The following UBTD2 variants were observed in gnomAD, a reference collection of about 807,000 sequenced individuals.
UBTD2 encodes the protein ubiquitin domain containing 2.
A neutral mutation model predicts 19.8 loss-of-function variants in UBTD2; 9 were observed. That is an observed-to-expected ratio of 0.46 (90% CI 0.27 to 0.79). The LOEUF is 0.79. Ranked by LOEUF, UBTD2 falls within the 30% of genes least tolerant of loss-of-function variation. The probability of loss-of-function intolerance (pLI) is 0.14; values close to 1 mark genes in which losing one functional copy is unlikely to be tolerated. For synonymous variants in UBTD2, 98 were observed against 103.9 expected (o/e 0.94, Z 0.35); for missense variants, 250 against 300.4 (o/e 0.83, Z 1.24).
intron 1 of UBTD2, among the ~76,000 whole-genome samples, chr5:172,253,140 C>G (rs1312479601): frequency 6.6e-6 from 1 of 152,110 alleles, no homozygotes; most frequent in Non-Finnish European, 1.5e-5. Flanking sequence ...AGTGACCCTC[C>G]TGCCTCAGGA....
chr5:172,256,916 C>T (rs1755165470), intron 1 of UBTD2, among the ~76,000 whole-genome samples: 1 of 152,088 alleles, frequency 6.6e-6, no homozygotes. Flanking sequence ...GAGACTCCAT[C>T]TCAAAAAAAA....
At chr5:172,215,717 G>A (rs1771527558) in intron 2 of UBTD2, among the ~76,000 whole-genome samples, 1 of 152,092 alleles carries the variant, frequency 6.6e-6, no homozygotes, top group South Asian at 2.1e-4. Context: ...AAGAACAAAT[G>A]GGAATGTAAT....
chr5:172,257,664 A>G (rs1755184508), intron 1 of UBTD2, among the ~76,000 whole-genome samples: 1 of 152,212 alleles, frequency 6.6e-6, no homozygotes. Context: ...AACAACAGTC[A>G]TCCTGATTGG....
chr5:172,257,957 G>T (rs974849930), intron 1 of UBTD2, among the ~76,000 whole-genome samples: 1 of 152,132 alleles, frequency 6.6e-6, no homozygotes, highest in Admixed American at 6.5e-5. Context: ...TGTGTAGGTT[G>T]TCTGTTTACT....
At chr5:172,249,672 T>C (rs1011375054) in intron 1 of UBTD2, among the ~76,000 whole-genome samples, 1 of 151,968 alleles carries the variant, frequency 6.6e-6, no homozygotes, top group East Asian at 1.9e-4. Flanking sequence ...AAATAGCATA[T>C]GCAAAAATCC....
chr5:172,242,529 C>T (rs1772153024), intron 1 of UBTD2: 2 of 632,350 alleles, frequency 3.2e-6, no homozygotes, highest in African/African-American at 4.0e-5. Flanking sequence ...TTGTATTAAC[C>T]TATAAATAGG....
chr5:172,231,242 G>T (rs1378391780), intron 2 of UBTD2, among the ~76,000 whole-genome samples: 1 of 152,152 alleles, frequency 6.6e-6, no homozygotes, highest in East Asian at 1.9e-4. Context: ...AAGAAATATT[G>T]ACAAGATTCA....
At chr5:172,277,631 C>T (rs1276063739) in intron 1 of UBTD2, among the ~76,000 whole-genome samples, 2 of 151,666 alleles carry the variant, frequency 1.3e-5, no homozygotes, top group African/African-American at 4.8e-5. Context: ...GGCTAAGCCC[C>T]GGAGGTAGAG....
chr5:172,278,379 C>T (rs1413706759), intron 1 of UBTD2, among the ~76,000 whole-genome samples: 2 of 151,904 alleles, frequency 1.3e-5, no homozygotes, highest in African/African-American at 2.4e-5. Flanking sequence ...ATTAGCCAGG[C>T]GTGGTGGTGC....
intron 1 of UBTD2, among the ~76,000 whole-genome samples, chr5:172,239,124 A>G (rs1245842820): frequency 1.3e-5 from 2 of 152,236 alleles, no homozygotes; most frequent in African/African-American, 4.8e-5. Context: ...AAATGCCTAA[A>G]ATGCCAACAA....
At chr5:172,225,932 TC>T (rs1213527107) in intron 2 of UBTD2, among the ~76,000 whole-genome samples, 4 of 121,812 alleles carry the variant, frequency 3.3e-5, no homozygotes, top group African/African-American at 6.2e-5. Flanking sequence ...AGGCTTAAAC[TC>T]TTTTTTTTTT....
At chr5:172,271,039 CT>C (rs926167329) in intron 1 of UBTD2, among the ~76,000 whole-genome samples, 3 of 152,150 alleles carry the variant, frequency 2.0e-5, no homozygotes, top group African/African-American at 4.8e-5. Context: ...AGCAATCCCC[CT>C]AAATGCTATG....
intron 2 of UBTD2, among the ~76,000 whole-genome samples, chr5:172,229,253 C>G (rs1318474222): frequency 2.0e-5 from 3 of 151,964 alleles, no homozygotes; most frequent in Admixed American, 6.6e-5. Context: ...GTAATCCCAG[C>G]ACTTTGGGAG....
chr5:172,218,447 T>A (rs1222712142), intron 2 of UBTD2, among the ~76,000 whole-genome samples: 1 of 150,738 alleles, frequency 6.6e-6, no homozygotes, highest in Non-Finnish European at 1.5e-5. Context: ...AGAAAAAAAA[T>A]TAAAATAGAA....
At chr5:172,227,997 A>C (rs555528783) in intron 2 of UBTD2, among the ~76,000 whole-genome samples, 1 of 151,946 alleles carries the variant, frequency 6.6e-6, no homozygotes, top group Non-Finnish European at 1.5e-5. Flanking sequence ...TCTTATAGGA[A>C]CCTTTAAAGT....
chr5:172,218,583 G>A (rs1243087686), intron 2 of UBTD2, among the ~76,000 whole-genome samples: 2 of 151,740 alleles, frequency 1.3e-5, no homozygotes, highest in Non-Finnish European at 2.9e-5. Flanking sequence ...AGGAGTTTGC[G>A]ACCAGCCTGG....
chr5:172,248,586 T>TAA (rs772834913), intron 1 of UBTD2, among the ~76,000 whole-genome samples: 40 of 137,214 alleles, frequency 2.9e-4, no homozygotes, highest in African/African-American at 9.1e-4. Context: ...AGACTCCGTC[T>TAA]AAAAAAAAAA....
intron 1 of UBTD2, chr5:172,255,208 CCAG>C (rs1755113996): frequency 6.8e-6 from 3 of 441,660 alleles, no homozygotes; most frequent in East Asian, 1.0e-4. Context: ...GTGCAAATTC[CCAG>C]CAGAAGGAGG....
intron 1 of UBTD2, among the ~76,000 whole-genome samples, chr5:172,251,761 C>CTAAA (rs1306062793): frequency 6.6e-6 from 1 of 152,098 alleles, no homozygotes; most frequent in Non-Finnish European, 1.5e-5. Context: ...ACAAGAAATG[C>CTAAA]TAAAGGTAAT....
Sources: allele counts gnomAD v4.1 joint callset (sites outside exome capture counted in the v4.1 genomes callset), GRCh38; gene constraint gnomAD v4.1.1; transcripts MANE v1.5; gene names NCBI Gene and HGNC (gene_info 2026-07-23, HGNC 2026-07-21).